Variants in IZUMO4 observed in about 807,000 individuals in gnomAD.
IZUMO4 encodes IZUMO family member 4, also known as izumo sperm-egg fusion protein 4.
Under a neutral mutation model 37.1 loss-of-function variants are expected in IZUMO4, and 51 were observed. The ratio of observed to expected loss-of-function variants is 1.38; its 90% CI spans 1.10 to 1.74. The LOEUF (loss-of-function observed/expected upper bound fraction) is 1.74, where lower values mean the gene tolerates loss of function less well. IZUMO4 is among the 40% of genes most tolerant of loss of function. The pLI is 0.00. For missense variants in IZUMO4, 364 were observed against 299.6 expected (o/e 1.21, Z -1.59); for synonymous variants, 162 against 121.4 (o/e 1.33, Z -2.20).
In IZUMO4 at chr19:2,097,256, G is replaced by A. The variant is rs2144951964; in HGVS notation, c.222G>A (p.Arg74=). 1 of 1,612,282 alleles carries A rather than the reference G, an allele frequency of 6.2e-7. No homozygotes were observed. Among genetic ancestry groups the A allele is most frequent in the African/African-American group, 1.3e-5 (1 of 75,028 alleles). Residue 74 remains arginine (R), a synonymous_variant, in exon 2 of 10, where the codon CGG becomes CGA. Coordinates refer to ENST00000395301, the MANE Select transcript of IZUMO4 (RefSeq NM_001039846.2). ...LHLAIPAKIT[R]EKLDQVATAV... ...GGCTTCTCCTCCTGCCCGCAGCCCG[G>A]GAGAAGCTGGACCAAGTGGCGACAG...
At position 2,098,144 on chromosome 19, in the gene IZUMO4, A is replaced by C. The variant is rs1293010675; in HGVS notation, c.473+17A>C. On this transcript the variant is annotated intron_variant, in intron 5 of 9. Coordinates refer to ENST00000395301, the MANE Select transcript of IZUMO4 (RefSeq NM_001039846.2). The stretch of plus-strand genomic sequence containing the variant: ...TAACTGCGAGTAGGGCTCAGGCATC[A>C]CACCCACCCGTGCCAGGGCCCTACT... 3.7e-6 allele frequency: 6 copies of C among 1,612,974 alleles called. No individual in the cohort carries two copies. The South Asian group carries it at 5.5e-5, about 15-fold the overall frequency.
chr19:2,098,365 C>T (rs2017783901), intron 6 of IZUMO4, 31 bp downstream of exon 6: 1 of 1,614,026 alleles, frequency 6.2e-7, no homozygotes, highest in South Asian at 1.1e-5. Context: ...GCAGCAAGCT[C>T]ACCTGGGCCT....
chr19:2,098,080 C>CA lies in IZUMO4; in HGVS notation c.428dup (p.Asn143LysfsTer14), dbSNP rs1360923105. 1 of 1,613,546 alleles carries CA rather than the reference C, an allele frequency of 6.2e-7. No homozygotes were observed. The highest frequency in any genetic ancestry group is 8.5e-7 in the Non-Finnish European group (1 of 1,180,014). ...TCTTCCAGTACGAGACCATCTCCTG[C>CA]AACAACTGCACAGACTCGCACGTCG... On this transcript the variant is annotated frameshift_variant, in exon 5 of 10. Transcript: ENST00000395301. LOFTEE classifies it high-confidence loss of function.
chr19:2,097,772 CCCTT>C, intron 3 of IZUMO4, 153 bp from the exon 4 acceptor site: 1 of 946,788 alleles, frequency 1.1e-6, no homozygotes. Context: ...ACCTGGGGAC[CCCTT>C]CCCTCCGGGC....
At position 2,098,789 on chromosome 19, in the gene IZUMO4, A is replaced by G. The variant is rs752571017; in HGVS notation, c.539A>G (p.Gln180Arg). ...GACTGCCCCACATTGCCTTTCAGAC[A>G]GGACACGAGCATGAGGTAAGGCCGC... ...LLNYINNWHK[Q>R]DTSMRPRSSA... Residue 180 changes from glutamine to arginine, a missense_variant and splice_region_variant, in exon 8 of 10, where the codon CAG becomes CGG. Physicochemically the swap from Gln to Arg is conservative, Grantham distance 43. Transcript: ENST00000395301. 1.9e-6 allele frequency: 3 copies of G among 1,600,994 alleles called. No individual in the cohort carries two copies. Among genetic ancestry groups the G allele is most frequent in the Non-Finnish European group, 2.6e-6 (3 of 1,174,446 alleles).
rs1568265710 is a variant in IZUMO4, at chr19:2,099,427, G to A, written c.*82G>A. The A allele has an allele frequency of 1.9e-6, 2 of 1,063,096 alleles. No individual in the cohort carries two copies. The highest frequency in any genetic ancestry group is 2.8e-6 in the Non-Finnish European group (2 of 708,246). 65.9% of individuals were successfully genotyped at this position (1,063,096 alleles called of 1,614,324 possible). A position where few individuals can be genotyped will look rare whatever the true frequency, so the allele number is the denominator to read the frequency against. On this transcript the variant is annotated 3_prime_UTR_variant, in exon 10 of 10. Coordinates refer to ENST00000395301, the MANE Select transcript of IZUMO4 (RefSeq NM_001039846.2). ...CTGCCTGTCACTCTGGAGCTGGGCT[G>A]CTGCTGCCTCAGGACCCCCTCTCCG...
chr19:2,098,754 T>G lies in IZUMO4; in HGVS notation c.537-33T>G, dbSNP rs749437053. 1.9e-6 allele frequency: 3 copies of G among 1,604,808 alleles called. No homozygotes were observed. In the South Asian group the frequency reaches 3.3e-5, roughly 18 times the overall value. On this transcript the variant is annotated intron_variant, in intron 7 of 9. Coordinates refer to ENST00000395301, the MANE Select transcript of IZUMO4 (RefSeq NM_001039846.2). The stretch of plus-strand genomic sequence containing the variant: ...CCCTACGATGGTTAGGGGTGCCCCA[T>G]GGAGGGGCTGACTGCCCCACATTGC...
At position 2,097,153 on chromosome 19, in the gene IZUMO4, G is replaced by A; in HGVS notation, c.208G>A (p.Ala70Thr). 6.2e-7 allele frequency: 1 copy of A among 1,610,202 alleles called. No homozygotes were observed. ...GAAGGAGCTGCACCTGGCCATCCCC[G>A]CCAAGATCAGTGAGTGCCGGAGCCC... ...TMKELHLAIP[A>T]KITREKLDQV... Residue 70 changes from alanine to threonine, a missense_variant, in exon 1 of 10, where the codon GCC becomes ACC. Transcript: ENST00000395301.
chr19:2,099,032 G>C lies in IZUMO4; in HGVS notation c.608+3G>C. 1 of 1,612,874 alleles carries C rather than the reference G, an allele frequency of 6.2e-7. No individual in the cohort carries two copies. Among genetic ancestry groups the C allele is most frequent in the Non-Finnish European group, 8.5e-7 (1 of 1,179,806 alleles). The stretch of plus-strand genomic sequence containing the variant: ...ACACACAGAGCCACCCCGGCCTTGT[G>C]AGTGACCCAGAGAAGGGAGGCCTCG... On this transcript the variant is annotated splice_donor_region_variant and intron_variant, in intron 9 of 9. Coordinates refer to ENST00000395301, the MANE Select transcript of IZUMO4 (RefSeq NM_001039846.2).
rs868532376 is a variant in IZUMO4 at position 2,099,434 on chromosome 19, C to T, written c.*89C>T. ...TCACTCTGGAGCTGGGCTGCTGCTG[C>T]CTCAGGACCCCCTCTCCGACCCCGG... On this transcript the variant is annotated 3_prime_UTR_variant, in exon 10 of 10. Coordinates refer to ENST00000395301, the MANE Select transcript of IZUMO4 (RefSeq NM_001039846.2). The T allele has an allele frequency of 2.9e-5, 27 of 945,368 alleles. No homozygotes were observed. The highest frequency in any genetic ancestry group is 5.4e-4 in the Middle Eastern group (2 of 3,692). 58.6% of individuals were successfully genotyped at this position (945,368 alleles called of 1,614,324 possible).
At chr19:2,097,614 G>A in intron 3 of IZUMO4, 119 bp downstream of exon 3, 1 of 944,158 alleles carries the variant, frequency 1.1e-6, no homozygotes, top group Non-Finnish European at 1.7e-6. Context: ...CTGGGGAGGA[G>A]GGCAGCTCTC....
chr19:2,097,241 C>T lies in IZUMO4; in HGVS notation c.218-11C>T, dbSNP rs758612148. On this transcript the variant is annotated splice_polypyrimidine_tract_variant and intron_variant, in intron 1 of 9. Transcript: ENST00000395301. ...GCAGGCCGGTCACCTGGCTTCTCCT[C>T]CTGCCCGCAGCCCGGGAGAAGCTGG... is the stretch of plus-strand genomic sequence containing the variant. 6 of 1,611,370 alleles carry T rather than the reference C, an allele frequency of 3.7e-6. No homozygotes were observed. Among genetic ancestry groups the T allele is most frequent in the Middle Eastern group, 1.7e-4 (1 of 6,052 alleles).
At position 2,099,550 on chromosome 19, in the gene IZUMO4, G is replaced by T; in HGVS notation, c.*205G>T. 1.7e-6 allele frequency: 1 copy of T among 583,810 alleles called. No homozygotes were observed. The allele number at this position is 583,810 out of a possible 1,614,324, so 36.2% of individuals were successfully genotyped here. The stretch of plus-strand genomic sequence containing the variant: ...ATCAGCGCCTGGGCAGGTCCGCAGA[G>T]CTGCGGGATGTGATTAAAGTCCCTG... On this transcript the variant is annotated 3_prime_UTR_variant, in exon 10 of 10. Coordinates refer to ENST00000395301, the MANE Select transcript of IZUMO4 (RefSeq NM_001039846.2).
intron 7 of IZUMO4, 127 bp downstream of exon 7, chr19:2,098,577 C>T: frequency 6.2e-7 from 1 of 1,604,424 alleles, no homozygotes; most frequent in Non-Finnish European, 8.5e-7. Flanking sequence ...GGAGGTGGAA[C>T]CTCAACCCAG....
chr19:2,099,106 C>G, intron 9 of IZUMO4, 77 bp downstream of exon 9: 1 of 1,444,216 alleles, frequency 6.9e-7, no homozygotes, highest in Non-Finnish European at 9.7e-7. Context: ...GGCCTGCACA[C>G]CCTGCTGACA....
rs555445055 is a variant in IZUMO4, at chr19:2,099,191, C to T, written c.609-64C>T. 1.1e-4 allele frequency: 172 copies of T among 1,502,370 alleles called. 1 individual carries two copies. The East Asian group carries it at 3.4e-3, about 30-fold the overall frequency. 93.1% of individuals were successfully genotyped at this position (1,502,370 alleles called of 1,614,324 possible). ...CCCAGCTGGGAGGAGAGGCCTGGGG[C>T]CCCCAGGGAGGGAGGCAGGGGGTGG... On this transcript the variant is annotated intron_variant, in intron 9 of 9. Transcript: ENST00000395301.
intron 1 of IZUMO4, 26 bp downstream of exon 1, chr19:2,097,188 C>T (rs376213056): frequency 1.4e-4 from 229 of 1,605,406 alleles, no homozygotes; most frequent in Non-Finnish European, 1.8e-4. Context: ...CAGCCCAGTC[C>T]CGACTACCCC....
In IZUMO4 at chr19:2,097,423, G is replaced by A. The variant is rs1226934746; in HGVS notation, c.299-1G>A. ...GACCTTCTCCTGCCTCGACGACTCA[G>A]GGTATTTCCCCAACGAGCTGCGAAA... On this transcript the variant is annotated splice_acceptor_variant, in intron 2 of 9. Coordinates refer to ENST00000395301, the MANE Select transcript of IZUMO4 (RefSeq NM_001039846.2). LOFTEE classifies it high-confidence loss of function. The A allele has an allele frequency of 1.2e-6, 2 of 1,610,262 alleles. No individual in the cohort carries two copies. Among genetic ancestry groups the A allele is most frequent in the Non-Finnish European group, 1.7e-6 (2 of 1,178,570 alleles).
intron 7 of IZUMO4, 105 bp downstream of exon 7, chr19:2,098,555 A>G: frequency 1.2e-6 from 2 of 1,606,682 alleles, no homozygotes; most frequent in East Asian, 2.2e-5. Context: ...CACGTCCTAG[A>G]GGGGCTCCCG....
Sources: gnomAD v4.1 joint callset for allele counts on GRCh38, gnomAD v4.1.1 for gene constraint, MANE v1.5 for transcripts, NCBI Gene and HGNC (gene_info 2026-07-23, HGNC 2026-07-21) for gene names.